The following EIF3K variants were observed in gnomAD, a reference collection of about 807,000 sequenced individuals.
EIF3K encodes eukaryotic translation initiation factor 3 subunit K.
EIF3K carries 27 observed loss-of-function variants against 34.2 expected under a neutral mutation model. The ratio of observed to expected loss-of-function variants is 0.79; its 90% CI spans 0.58 to 1.09. The LOEUF (loss-of-function observed/expected upper bound fraction) is 1.09. Among genes scored for constraint, EIF3K ranks in the 50% least tolerant of loss-of-function variants. The pLI is 0.00. For missense variants in EIF3K, 232 were observed against 275.4 expected (o/e 0.84, Z 1.11); for synonymous variants, 105 against 105.7 (o/e 0.99, Z 0.04).
chr19:38,635,619 G>A (rs1435706930), intron 7 of EIF3K: 1 of 167,418 alleles, frequency 6.0e-6, no homozygotes, highest in Non-Finnish European at 1.3e-5. Context: ...TACATCATTT[G>A]ATCCTCAGTT....
In EIF3K at chr19:38,626,045, C is replaced by G. The variant is rs765993963; in HGVS notation, c.297C>G (p.Ile99Met). The G allele has an allele frequency of 1.7e-5, 28 of 1,614,074 alleles. 1 individual carries two copies. In the South Asian group the frequency reaches 3.1e-4, roughly 18 times the overall value. The change falls in exon 4 of 8, where the codon ATC becomes ATG. Residue 99 changes from isoleucine (I) to methionine (M), a missense_variant. By Grantham distance (10) the Ile-to-Met change is conservative. Coordinates refer to ENST00000248342, the MANE Select transcript of EIF3K (RefSeq NM_013234.4). ...IDQAHQEERP[I>M]RQILYLGDLL... ...CCTCCCAGCAAGAAGAACGGCCAAT[C>G]CGACAGATTTTGTACCTCGGGGACC...
At chr19:38,631,497 C>A (rs1309522117) in intron 4 of EIF3K, among the ~76,000 whole-genome samples, 2 of 152,182 alleles carry the variant, frequency 1.3e-5, no homozygotes, top group Non-Finnish European at 2.9e-5. Context: ...ATATTGCTGC[C>A]CGCGTGTCCC....
intron 4 of EIF3K, among the ~76,000 whole-genome samples, chr19:38,631,859 A>G (rs998137446): frequency 1.3e-5 from 2 of 152,198 alleles, no homozygotes; most frequent in Non-Finnish European, 2.9e-5. Flanking sequence ...ATGACTCTCA[A>G]GGAGCATGCT....
At chr19:38,627,123 GT>G (rs1467367701) in intron 4 of EIF3K, among the ~76,000 whole-genome samples, 1 of 152,032 alleles carries the variant, frequency 6.6e-6, no homozygotes, top group Non-Finnish European at 1.5e-5. Context: ...AGTGGCTGGG[GT>G]TACAGGCATG....
intron 1 of EIF3K, among the ~76,000 whole-genome samples, chr19:38,619,724 C>T (rs888353379): frequency 6.6e-6 from 1 of 152,244 alleles, no homozygotes; most frequent in Non-Finnish European, 1.5e-5. Context: ...TAATCTCTCC[C>T]TTCTCTGCTC....
chr19:38,628,064 C>T (rs936574046), intron 4 of EIF3K, among the ~76,000 whole-genome samples: 5 of 151,996 alleles, frequency 3.3e-5, no homozygotes, highest in East Asian at 1.9e-4. Context: ...ACCACCCCGC[C>T]GGCTAATTTT....
chr19:38,623,745 A>G (rs1029868764), intron 2 of EIF3K, among the ~76,000 whole-genome samples: 2 of 152,184 alleles, frequency 1.3e-5, no homozygotes, highest in South Asian at 2.1e-4. Context: ...AAGCAGTCCA[A>G]GGTCACTCAG....
intron 4 of EIF3K, among the ~76,000 whole-genome samples, chr19:38,628,989 C>T (rs1408110486): frequency 6.6e-6 from 1 of 152,170 alleles, no homozygotes; most frequent in East Asian, 1.9e-4. Context: ...AAAATGGAAG[C>T]AGCCACTGTA....
At chr19:38,623,723 C>T (rs997018599) in intron 2 of EIF3K, among the ~76,000 whole-genome samples, 3 of 152,100 alleles carry the variant, frequency 2.0e-5, no homozygotes, top group Non-Finnish European at 4.4e-5. Context: ...CTCTGCTCCT[C>T]GTGTCATAAA....
intron 1 of EIF3K, among the ~76,000 whole-genome samples, 190 bp from the exon 2 acceptor site, chr19:38,620,147 G>A (rs1054485763): frequency 1.3e-5 from 2 of 152,188 alleles, no homozygotes; most frequent in South Asian, 2.1e-4. Context: ...TAGGCGAGAG[G>A]TCTGGGATAA....
At chr19:38,621,138 G>T (rs1438820743) in intron 2 of EIF3K, among the ~76,000 whole-genome samples, 3 of 151,458 alleles carry the variant, frequency 2.0e-5, no homozygotes, top group Non-Finnish European at 2.9e-5. Context: ...TTAAGGTGCA[G>T]TGAGCCATGA....
At chr19:38,630,133 G>C (rs967606531) in intron 4 of EIF3K, among the ~76,000 whole-genome samples, 1 of 150,362 alleles carries the variant, frequency 6.7e-6, no homozygotes, top group Admixed American at 6.7e-5. Context: ...AGCATGTGGG[G>C]TCAGTGCTCA....
In EIF3K at chr19:38,624,083, G is replaced by A. The variant is rs748705614; in HGVS notation, c.165G>A (p.Gln55=). The change falls in exon 3 of 8, where the codon CAG becomes CAA. Residue 55 remains glutamine, a synonymous_variant. Transcript: ENST00000248342. ...CTCTTGTTCTTTTTCTTAGGTACCA[G>A]TTCAACCCAGCCTTCTTTCAGACCA... The part of the protein sequence containing the change: ...EANLAVLKLY[Q]FNPAFFQTTV... 7 of 1,614,128 alleles carry A rather than the reference G, an allele frequency of 4.3e-6. No homozygotes were observed. The East Asian group carries it at 1.3e-4, about 31-fold the overall frequency.
chr19:38,626,205 G>A, intron 4 of EIF3K, 103 bp downstream of exon 4: 1 of 1,050,916 alleles, frequency 9.5e-7, no homozygotes, highest in Non-Finnish European at 1.5e-6. Flanking sequence ...TGCTTTGGCG[G>A]TGGGCCCAGT....
intron 4 of EIF3K, among the ~76,000 whole-genome samples, chr19:38,631,524 C>A (rs543891242): frequency 1.3e-5 from 2 of 152,212 alleles, no homozygotes; most frequent in Non-Finnish European, 2.9e-5. Context: ...AGCCCTAAGG[C>A]GGTTTCCCCC....
intron 7 of EIF3K, 156 bp downstream of exon 7, chr19:38,635,274 C>T (rs560569367): frequency 4.6e-6 from 5 of 1,093,450 alleles, no homozygotes; most frequent in South Asian, 1.4e-5. Context: ...TCTTGGGGCT[C>T]CCGCCCAGGA....
At chr19:38,623,973 A>T in intron 2 of EIF3K, 104 bp from the exon 3 acceptor site, 1 of 1,549,178 alleles carries the variant, frequency 6.5e-7, no homozygotes, top group Non-Finnish European at 8.8e-7. Context: ...GAACCCAGGC[A>T]TGTCCAATTC....
At chr19:38,631,560 C>G (rs565283848) in intron 4 of EIF3K, among the ~76,000 whole-genome samples, 1 of 152,222 alleles carries the variant, frequency 6.6e-6, no homozygotes, top group Non-Finnish European at 1.5e-5. Context: ...AACATACAAT[C>G]GGGTTTTACA....
chr19:38,629,160 TAG>T (rs1424016142), intron 4 of EIF3K, among the ~76,000 whole-genome samples: 2 of 152,252 alleles, frequency 1.3e-5, no homozygotes, highest in Admixed American at 1.3e-4. Flanking sequence ...CTTAAAATAA[TAG>T]AGTTTACTAG....
Sources: gnomAD v4.1 joint callset for allele counts (sites outside exome capture counted in the v4.1 genomes callset) on GRCh38, gnomAD v4.1.1 for gene constraint, MANE v1.5 for transcripts, NCBI Gene and HGNC (gene_info 2026-07-23, HGNC 2026-07-21) for gene names.